BUB1B: variants seen among roughly 807,000 people sequenced by gnomAD.
The protein encoded by BUB1B is mitotic checkpoint serine/threonine-protein kinase BUB1 beta.
In BUB1B, 86 loss-of-function variants were observed where a neutral mutation model predicts 137.7. The ratio of observed to expected loss-of-function variants is 0.62; its 90% CI spans 0.52 to 0.75. The LOEUF (loss-of-function observed/expected upper bound fraction) is 0.75. BUB1B is among the 30% of genes least tolerant of loss of function. The pLI is 0.00. For synonymous variants in BUB1B, 420 were observed against 417.9 expected (o/e 1.00, Z -0.06); for missense variants, 1,130 against 1,236.9 (o/e 0.91, Z 1.30).
intron 14 of BUB1B, among the ~76,000 whole-genome samples, chr15:40,203,695 TC>T (rs2140902663): frequency 6.6e-6 from 1 of 152,376 alleles, no homozygotes; most frequent in East Asian, 1.9e-4. Context: ...CAATCATTTT[TC>T]TTCAGTAATG....
intron 14 of BUB1B, among the ~76,000 whole-genome samples, chr15:40,205,673 G>A (rs932841738): frequency 2.0e-5 from 3 of 152,098 alleles, no homozygotes; most frequent in Non-Finnish European, 4.4e-5. Flanking sequence ...GCATAGGAAG[G>A]AAGAAATACA....
At chr15:40,181,638 G>A (rs1332879235) in intron 5 of BUB1B, among the ~76,000 whole-genome samples, 1 of 151,760 alleles carries the variant, frequency 6.6e-6, no homozygotes, top group African/African-American at 2.4e-5. Context: ...GGTCCCTGAA[G>A]CTCTGTTTAA....
intron 4 of BUB1B, among the ~76,000 whole-genome samples, chr15:40,173,642 A>G (rs1344703430): frequency 1.3e-5 from 2 of 152,214 alleles, no homozygotes; most frequent in African/African-American, 4.8e-5. Flanking sequence ...ATTGTACTTT[A>G]TATCAGTCCA....
Position 40,201,677 on chromosome 15 carries a change from A to G in BUB1B, c.1567+697A>G, listed in dbSNP as rs762344643. On this transcript the variant is annotated intron_variant, in intron 12 of 22. Coordinates refer to ENST00000287598, the MANE Select transcript of BUB1B (RefSeq NM_001211.6). ...AAAAAATTTTTTTTTATTTATTAAT[A>G]TTTTTTTGAGACTGAGTCTCGCTCT... Among the ~76,000 whole-genome samples the G allele has an allele frequency of 9.9e-5, 15 of 152,124 alleles. No individual in the cohort carries two copies. The South Asian group carries it at 1.2e-3, about 13-fold the overall frequency.
chr15:40,205,208 A>G (rs1262100223), intron 14 of BUB1B, among the ~76,000 whole-genome samples: 1 of 152,058 alleles, frequency 6.6e-6, no homozygotes, highest in Non-Finnish European at 1.5e-5. Context: ...CAGCGTCCCA[A>G]AGTGCTGGGA....
Position 40,185,791 on chromosome 15 carries a change from C to G in BUB1B, c.1058+149C>G, listed in dbSNP as rs550253646. ...CTCACACCTGTAATCCCAGCACAGG[C>G]TGAGGCAGGAGGATCCCTTGAGCCT... On this transcript the variant is annotated intron_variant, in intron 8 of 22. Coordinates refer to ENST00000287598, the MANE Select transcript of BUB1B (RefSeq NM_001211.6). 173 of 790,260 alleles carry G rather than the reference C, an allele frequency of 2.2e-4. No individual in the cohort carries two copies. In the African/African-American group the frequency reaches 2.6e-3, roughly 12 times the overall value. 49.0% of individuals were successfully genotyped at this position (790,260 alleles called of 1,614,324 possible). A position where few individuals can be genotyped will look rare whatever the true frequency, so the allele number is the denominator to read the frequency against.
chr15:40,187,348 G>A (rs150017200), intron 8 of BUB1B, among the ~76,000 whole-genome samples: 17,427 of 151,862 alleles, frequency 0.11, 1,172 homozygotes, highest in Non-Finnish European at 0.15. Context: ...GGATGGTCTC[G>A]ATCTCCTGAC....
chr15:40,192,473 ATAT>A (rs1301057574), intron 8 of BUB1B, among the ~76,000 whole-genome samples: 2 of 152,194 alleles, frequency 1.3e-5, no homozygotes, highest in African/African-American at 2.4e-5. Flanking sequence ...CAAATACATA[ATAT>A]TATCTATCCA....
intron 5 of BUB1B, among the ~76,000 whole-genome samples, chr15:40,182,268 C>A (rs1422952226): frequency 1.3e-5 from 2 of 152,274 alleles, no homozygotes; most frequent in Middle Eastern, 3.4e-3. Context: ...TTTGCATTTG[C>A]TTATTGTTTT....
chr15:40,181,565 C>T (rs2037294175), intron 5 of BUB1B, among the ~76,000 whole-genome samples: 1 of 152,152 alleles, frequency 6.6e-6, no homozygotes, highest in South Asian at 2.1e-4. Context: ...AAATTTTAGA[C>T]CATTTCCCCC....
intron 14 of BUB1B, among the ~76,000 whole-genome samples, chr15:40,203,205 A>C (rs2037596555): frequency 6.6e-6 from 1 of 152,258 alleles, no homozygotes; most frequent in Non-Finnish European, 1.5e-5. Flanking sequence ...CATACCATGA[A>C]ATATTATTTG....
chr15:40,203,801 G>A (rs548779301), intron 14 of BUB1B, among the ~76,000 whole-genome samples: 6 of 152,216 alleles, frequency 3.9e-5, no homozygotes, highest in East Asian at 1.9e-4. Context: ...TGTATCATTG[G>A]CATTTTATTA....
intron 20 of BUB1B, 88 bp downstream of exon 20, chr15:40,213,562 G>A: frequency 7.1e-7 from 1 of 1,409,000 alleles, no homozygotes; most frequent in East Asian, 2.3e-5. Flanking sequence ...TGAGGCGAGG[G>A]TCTCACTCTG....
rs1411409004 is a variant in BUB1B, at chr15:40,185,256, G to C, written c.843G>C (p.Glu281Asp). Residue 281 changes from glutamate (E) to aspartate (D), a missense_variant, in exon 7 of 23, where the codon GAG (glutamate) becomes GAC (aspartate). Glu to Asp is a conservative substitution (Grantham distance 45). Transcript: ENST00000287598. ...RITVFDENAD[E>D]ASTAELSKPT... ...CTGTTTTTGATGAAAATGCTGATGA[G>C]GCTTCTACAGCAGAGTTGTCTAAGC... 3 of 1,613,838 alleles carry C rather than the reference G, an allele frequency of 1.9e-6. No homozygotes were observed. The highest frequency in any genetic ancestry group is 1.3e-5 in the African/African-American group (1 of 74,868).
chr15:40,174,062 T>C (rs2037196537), intron 4 of BUB1B: 1 of 351,406 alleles, frequency 2.8e-6, no homozygotes, highest in Non-Finnish European at 5.4e-6. Flanking sequence ...TCTAACCATA[T>C]AGTCCTTTTA....
In BUB1B at chr15:40,218,532, C is replaced by T; in HGVS notation, c.2927C>T (p.Ser976Phe). Residue 976 changes from serine to phenylalanine, a missense_variant, in exon 22 of 23, where the codon TCC (serine) becomes TTC (phenylalanine). By Grantham distance (155) the Ser-to-Phe change is radical. Transcript: ENST00000287598. ...KEHLQVFWDG[S>F]FWKLSQNISE... is the part of the protein sequence containing the mutation. The stretch of plus-strand genomic sequence containing the variant: ...CACCTACAGGTCTTCTGGGATGGGT[C>T]CTTCTGGAAACTTAGCCAAAATATT... 2.5e-6 allele frequency: 4 copies of T among 1,613,870 alleles called. No individual in the cohort carries two copies. The highest frequency in any genetic ancestry group is 2.2e-5 in the East Asian group (1 of 44,868).
chr15:40,194,163 A>T (rs574123924), intron 8 of BUB1B, among the ~76,000 whole-genome samples: 6 of 152,114 alleles, frequency 3.9e-5, no homozygotes, highest in African/African-American at 1.2e-4. Context: ...ATGTGATTTA[A>T]TTTTATTTTC....
intron 6 of BUB1B, 128 bp from the exon 7 acceptor site, chr15:40,185,037 A>T: frequency 6.8e-6 from 5 of 738,078 alleles, no homozygotes; most frequent in Non-Finnish European, 8.7e-6. Context: ...TATTTTTAAA[A>T]TTTCTTTTTT....
chr15:40,205,962 A>G (rs1461959989), intron 14 of BUB1B, among the ~76,000 whole-genome samples: 2 of 152,192 alleles, frequency 1.3e-5, no homozygotes, highest in African/African-American at 4.8e-5. Flanking sequence ...GAACAAAACC[A>G]TTGCCCAATA....
Sources: gnomAD v4.1 joint callset for allele counts (sites outside exome capture counted in the v4.1 genomes callset) on GRCh38, gnomAD v4.1.1 for gene constraint, MANE v1.5 for transcripts, NCBI Gene and HGNC (gene_info 2026-07-23, HGNC 2026-07-21) for gene names.